The following ABCC5 variants were observed in gnomAD, a reference collection of about 807,000 sequenced individuals.
ABCC5 encodes the protein ATP binding cassette subfamily C member 5, also known as ATP-binding cassette sub-family C member 5.
In ABCC5, 61 loss-of-function variants were observed where a neutral mutation model predicts 160.9. The ratio of observed to expected loss-of-function variants is 0.38; its 90% CI spans 0.31 to 0.47. ABCC5 has a LOEUF of 0.47. Among genes scored for constraint, ABCC5 ranks in the 20% least tolerant of loss-of-function variants. ABCC5 has a pLI of 0.99. For synonymous variants in ABCC5, 666 were observed against 700.6 expected (o/e 0.95, Z 0.78); for missense variants, 1,308 against 1,813.3 (o/e 0.72, Z 5.06).
chr3:183,993,172 T>C (rs1471891914), intron 2 of ABCC5, among the ~76,000 whole-genome samples: 2 of 152,098 alleles, frequency 1.3e-5, no homozygotes. Context: ...ACAATTCCAC[T>C]TTTGCAAATG....
chr3:183,991,779 T>C (rs75393197), intron 2 of ABCC5, among the ~76,000 whole-genome samples: 2 of 152,210 alleles, frequency 1.3e-5, no homozygotes, highest in East Asian at 3.8e-4. Context: ...CACTTGATAA[T>C]GAGCTGAGGA....
chr3:184,001,213 A>T (rs945416424), intron 2 of ABCC5: 1 of 530,878 alleles, frequency 1.9e-6, no homozygotes, highest in African/African-American at 1.9e-5. Flanking sequence ...TGGTCATGCC[A>T]CCGCACTACA....
intron 17 of ABCC5, among the ~76,000 whole-genome samples, chr3:183,955,079 G>A (rs1715745692): frequency 6.6e-6 from 1 of 152,158 alleles, no homozygotes; most frequent in Non-Finnish European, 1.5e-5. Context: ...TTGTCATGTA[G>A]ATGAAGCCTC....
At chr3:184,001,877 G>A (rs1248849777) in intron 2 of ABCC5, among the ~76,000 whole-genome samples, 1 of 152,206 alleles carries the variant, frequency 6.6e-6, no homozygotes, top group African/African-American at 2.4e-5. Context: ...AAGGCTGTCA[G>A]TGGCCAGACG....
intron 2 of ABCC5, among the ~76,000 whole-genome samples, chr3:184,004,151 G>C (rs189652046): frequency 1.3e-5 from 2 of 151,190 alleles, no homozygotes; most frequent in East Asian, 3.9e-4. Flanking sequence ...GATTTAGAGA[G>C]TTGTGAATAT....
intron 26 of ABCC5, 103 bp from the exon 27 acceptor site, chr3:183,928,928 A>C: frequency 1.1e-6 from 1 of 893,748 alleles, no homozygotes; most frequent in East Asian, 2.5e-5. Flanking sequence ...GGGAGAGAAG[A>C]CTCCAAACCC....
At chr3:183,997,726 T>C (rs901237759) in intron 2 of ABCC5, among the ~76,000 whole-genome samples, 1 of 152,244 alleles carries the variant, frequency 6.6e-6, no homozygotes, top group Non-Finnish European at 1.5e-5. Flanking sequence ...CTACATGATA[T>C]ACCACTGAGG....
rs1711876644 is a variant in ABCC5 at position 183,920,590 on chromosome 3, C to A, written c.*710G>T. Reference sequence around the variant, plus strand: ...TGGAGGGAGTGAAAAGGGGCCTGGGCTTCGCCCCGCTGCTCTCCTGACAGA... The same window carrying A: ...TGGAGGGAGTGAAAAGGGGCCTGGGATTCGCCCCGCTGCTCTCCTGACAGA... On this transcript the variant is annotated 3_prime_UTR_variant, in exon 30 of 30. Coordinates refer to ENST00000334444, the MANE Select transcript of ABCC5 (RefSeq NM_005688.4). This position sits in a 1 kb window ranked among gnomAD's most constrained non-coding sequence, Gnocchi z 4.1. 6.5e-6 allele frequency: 1 copy of A among 152,702 alleles called. No individual in the cohort carries two copies. The highest frequency in any genetic ancestry group is 1.5e-5 in the Non-Finnish European group (1 of 68,056). The allele number at this position is 152,702 out of a possible 1,614,324, so 9.5% of individuals were successfully genotyped here. A position where few individuals can be genotyped will look rare whatever the true frequency, so the allele number is the denominator to read the frequency against.
chr3:183,950,110 G>A lies in ABCC5; in HGVS notation c.2960C>T (p.Pro987Leu). 3.7e-6 allele frequency: 6 copies of A among 1,613,558 alleles called. No individual in the cohort carries two copies. The highest frequency in any genetic ancestry group is 2.2e-5 in the East Asian group (1 of 44,882). The change falls in exon 21 of 30, where the codon CCG (proline) becomes CTG (leucine). Residue 987 changes from proline (P) to leucine (L), a missense_variant. By Grantham distance (98) the Pro-to-Leu change is moderately conservative (BLOSUM62 -3). This residue lies in a region of ABCC5 where 1,142 missense variants were observed against 1,527.1 expected (regional missense o/e 0.75). Transcript: ENST00000334444. ...KDMDEVDVRL[P>L]FQAEMFIQNV... is the part of the protein sequence containing the mutation. ...CTGGATGAACATCTCGGCCTGGAAC[G>A]GCAGCCGCACGTCAACTGTGGAAAC...
chr3:183,977,757 AT>A (rs200446876), intron 9 of ABCC5, 133 bp from the exon 10 acceptor site: 45,091 of 470,394 alleles, frequency 0.096, 55 homozygotes, highest in South Asian at 0.14. Context: ...AGTCAATTAC[AT>A]TTTTTTTTTT....
rs943927389 is a variant in ABCC5 at position 183,963,641 on chromosome 3, T to C, written c.2032-53A>G. ...CCTCCAGCGCAAGTCCAGAACAGCG[T>C]GGAGGGGTCACCCAGTCACTTCTCT... is the stretch of plus-strand genomic sequence containing the variant. On this transcript the variant is annotated intron_variant, in intron 14 of 29. Transcript: ENST00000334444. The surrounding 1 kb of genome is among the most constrained non-coding windows in gnomAD (Gnocchi z 4.6). 10 of 1,575,688 alleles carry C rather than the reference T, an allele frequency of 6.3e-6. No homozygotes were observed. The African/African-American group carries it at 1.3e-4, about 21-fold the overall frequency.
chr3:183,940,506 G>A (rs1257685735), intron 25 of ABCC5, among the ~76,000 whole-genome samples: 2 of 147,212 alleles, frequency 1.4e-5, no homozygotes, highest in African/African-American at 2.5e-5. Flanking sequence ...CTCTGTTCAG[G>A]GTTGGGGGAC....
intron 5 of ABCC5, chr3:183,984,266 T>C: frequency 1.0e-6 from 1 of 985,778 alleles, no homozygotes; most frequent in Non-Finnish European, 1.2e-6. Flanking sequence ...AGTCCTTGCA[T>C]CTAAAAATCA....
In ABCC5 at chr3:183,947,351, C is replaced by A; in HGVS notation, c.3387G>T (p.Ala1129=). The A allele has an allele frequency of 6.2e-7, 1 of 1,612,864 alleles. No homozygotes were observed. The highest frequency in any genetic ancestry group is 8.5e-7 in the Non-Finnish European group (1 of 1,179,264). The change falls in exon 23 of 30, where the codon GCG becomes GCT. Residue 1129 remains alanine, a synonymous_variant. Coordinates refer to ENST00000334444, the MANE Select transcript of ABCC5 (RefSeq NM_005688.4). ...LMHGQIPPAY[A]GLAISYAVQL... is the part of the protein sequence containing the mutation. ...GGACAGCATAAGAGATGGCGAGACC[C>A]GCATAGGCTGGGGGAATCTGCCCGT...
intron 2 of ABCC5, among the ~76,000 whole-genome samples, chr3:183,994,399 G>A (rs578053809): frequency 2.0e-5 from 3 of 151,534 alleles, no homozygotes; most frequent in East Asian, 2.0e-4. Flanking sequence ...CCCCCAAGAC[G>A]GAGTCTTGAT....
rs764977208 is a variant in ABCC5, at chr3:183,951,500, A to C, written c.2885T>G (p.Phe962Cys). 1 of 1,614,198 alleles carries C rather than the reference A, an allele frequency of 6.2e-7. No homozygotes were observed. Among genetic ancestry groups the C allele is most frequent in the Non-Finnish European group, 8.5e-7 (1 of 1,180,020 alleles). ...CCTCCCTGTGGGGGTCGTGTCAAAA[A>C]ACTTCATAGGGCTTCGAAGGATCCT... ...FRRILRSPMK[F>C]FDTTPTGRIL... is the part of the protein sequence containing the mutation. The change falls in exon 20 of 30, where the codon TTT (phenylalanine) becomes TGT (cysteine). Residue 962 changes from phenylalanine to cysteine, a missense_variant. Physicochemically the swap from Phe to Cys is radical, Grantham distance 205. Coordinates refer to ENST00000334444, the MANE Select transcript of ABCC5 (RefSeq NM_005688.4). The surrounding 1 kb of genome is among the most constrained non-coding windows in gnomAD (Gnocchi z 4.7).
intron 2 of ABCC5, chr3:184,009,878 GT>G: frequency 5.9e-6 from 2 of 338,520 alleles, no homozygotes; most frequent in South Asian, 4.6e-5. Flanking sequence ...GCAGGGTGTG[GT>G]GCCACATGCC....
chr3:183,951,702 G>T lies in ABCC5; in HGVS notation c.2815-132C>A. The T allele has an allele frequency of 6.8e-7, 1 of 1,469,728 alleles. No individual in the cohort carries two copies. Among genetic ancestry groups the T allele is most frequent in the Non-Finnish European group, 9.2e-7 (1 of 1,086,472 alleles). 91.0% of individuals were successfully genotyped at this position (1,469,728 alleles called of 1,614,324 possible). ...GGGTCAGGAGGGACAGGTGGCAAGTGAGAAAAGGTGGAGGCTAACGGAATA... is the reference window on the plus strand; with the variant it reads ...GGGTCAGGAGGGACAGGTGGCAAGTTAGAAAAGGTGGAGGCTAACGGAATA... On this transcript the variant is annotated intron_variant, in intron 19 of 29. Transcript: ENST00000334444. The surrounding 1 kb of genome is among the most constrained non-coding windows in gnomAD (Gnocchi z 4.7).
At chr3:183,922,078 T>C (rs552559665) in intron 29 of ABCC5, among the ~76,000 whole-genome samples, 1 of 127,486 alleles carries the variant, frequency 7.8e-6, no homozygotes, top group African/African-American at 2.9e-5. Context: ...AATAAATAAA[T>C]AAAAAACAAC....
Sources: gnomAD v4.1 joint callset for allele counts (sites outside exome capture counted in the v4.1 genomes callset) on GRCh38, gnomAD v4.1.1 for gene constraint, gnomAD v4.1.1 regional missense constraint, Gnocchi (gnomAD v3.1) non-coding constraint, MANE v1.5 for transcripts, NCBI Gene and HGNC (gene_info 2026-07-23, HGNC 2026-07-21) for gene names.